Variants in HIPK3 observed in about 807,000 individuals in gnomAD.
HIPK3 encodes homeodomain interacting protein kinase 3.
HIPK3 carries 47 observed loss-of-function variants against 124.2 expected under a neutral mutation model. That is an observed-to-expected ratio of 0.38 (90% CI 0.30 to 0.48). The LOEUF (loss-of-function observed/expected upper bound fraction) is 0.48. HIPK3 is among the 20% of genes least tolerant of loss of function. The probability of loss-of-function intolerance (pLI) is 0.98; values close to 1 mark genes in which losing one functional copy is unlikely to be tolerated. For missense variants in HIPK3, 1,286 were observed against 1,454.3 expected (o/e 0.88, Z 1.88); for synonymous variants, 482 against 515.2 (o/e 0.94, Z 0.87).
rs1853172131 is a variant in HIPK3, at chr11:33,337,095, T to G, written c.1242T>G (p.Thr414=). The stretch of plus-strand genomic sequence containing the variant: ...TTCAGATTCGATACATTTCTCAGAC[T>G]CAAGGTTTGCCAGGAGAACAGTTGT... ...EYDQIRYISQ[T]QGLPGEQLLN... Residue 414 remains threonine (T), a synonymous_variant, in exon 4 of 17, where the codon ACT becomes ACG. Coordinates refer to ENST00000303296, the MANE Select transcript of HIPK3 (RefSeq NM_005734.5). The G allele has an allele frequency of 6.2e-7, 1 of 1,600,386 alleles. No individual in the cohort carries two copies. Among genetic ancestry groups the G allele is most frequent in the Non-Finnish European group, 8.5e-7 (1 of 1,172,962 alleles).
intron 3 of HIPK3, among the ~76,000 whole-genome samples, chr11:33,334,767 C>G (rs1346453877): frequency 6.6e-6 from 1 of 152,112 alleles, no homozygotes; most frequent in Non-Finnish European, 1.5e-5. Context: ...TTGCTCTAGG[C>G]AGTAAAGGGT....
At chr11:33,305,987 C>T (rs2133934466) in intron 2 of HIPK3, among the ~76,000 whole-genome samples, 2 of 152,280 alleles carry the variant, frequency 1.3e-5, no homozygotes, top group Admixed American at 1.3e-4. Flanking sequence ...TTGCCTCAGC[C>T]TCCTGAGTAG....
At chr11:33,294,019 T>C (rs1325202940) in intron 2 of HIPK3, among the ~76,000 whole-genome samples, 1 of 151,806 alleles carries the variant, frequency 6.6e-6, no homozygotes, top group Non-Finnish European at 1.5e-5. Context: ...ATGCAAAAAT[T>C]GGCCGGGCAT....
At chr11:33,340,885 A>AATTTTTTTTT in intron 6 of HIPK3, 83 bp from the exon 7 acceptor site, 1 of 793,590 alleles carries the variant, frequency 1.3e-6, no homozygotes. Context: ...TTTAGGAATA[A>AATTTTTTTTT]TTTTTTTATT....
At chr11:33,263,396 A>G (rs1281968236) in intron 1 of HIPK3, among the ~76,000 whole-genome samples, 3 of 151,814 alleles carry the variant, frequency 2.0e-5, no homozygotes, top group Non-Finnish European at 4.4e-5. Context: ...GCTCACTACA[A>G]CCTCCGCCTC....
chr11:33,277,396 A>G (rs1337949557), intron 1 of HIPK3, among the ~76,000 whole-genome samples: 3 of 152,214 alleles, frequency 2.0e-5, no homozygotes, highest in African/African-American at 7.2e-5. Flanking sequence ...CATCAGTTCT[A>G]GCACATTTCC....
At chr11:33,308,528 A>G (rs1852230048) in intron 2 of HIPK3, among the ~76,000 whole-genome samples, 1 of 151,954 alleles carries the variant, frequency 6.6e-6, no homozygotes. Flanking sequence ...TTTGATAGCA[A>G]TATGTCCTTT....
At chr11:33,286,283 C>T (rs1219588659) in intron 1 of HIPK3, 130 bp from the exon 2 acceptor site, 2 of 834,406 alleles carry the variant, frequency 2.4e-6, no homozygotes, top group Non-Finnish European at 3.5e-6. Flanking sequence ...AAATTAATTA[C>T]TTTTTTACAA....
At chr11:33,336,845 C>T (rs764074988) in intron 3 of HIPK3, among the ~76,000 whole-genome samples, 4 of 152,198 alleles carry the variant, frequency 2.6e-5, no homozygotes, top group Non-Finnish European at 5.9e-5. Flanking sequence ...TAGAATTTTA[C>T]CTGACCACAA....
At position 33,338,316 on chromosome 11, in the gene HIPK3, C is replaced by T. The variant is rs188073382; in HGVS notation, c.1342-441C>T. 1.1e-4 allele frequency among the ~76,000 whole-genome samples: 16 copies of T among 152,304 alleles called. No homozygotes were observed. The East Asian group carries it at 2.5e-3, about 24-fold the overall frequency. On this transcript the variant is annotated intron_variant, in intron 4 of 16. Coordinates refer to ENST00000303296, the MANE Select transcript of HIPK3 (RefSeq NM_005734.5). ...TGGCGCGATCTTGGTTCACTGCAAC[C>T]TCCGCCTCCCAGGTTCAAGTGATTC...
intron 2 of HIPK3, among the ~76,000 whole-genome samples, chr11:33,293,786 T>C (rs186956345): frequency 2.3e-4 from 35 of 152,304 alleles, no homozygotes; most frequent in African/African-American, 8.2e-4. Flanking sequence ...AGTGTGGTGC[T>C]TGGTGCTGCT....
intron 3 of HIPK3, 75 bp from the exon 4 acceptor site, chr11:33,337,000 T>C (rs1477186019): frequency 5.6e-6 from 6 of 1,063,770 alleles, no homozygotes; most frequent in Non-Finnish European, 8.3e-6. Context: ...TGACCTAACA[T>C]ATAGCCTAGT....
chr11:33,293,338 C>G (rs1484983054), intron 2 of HIPK3, among the ~76,000 whole-genome samples: 1 of 151,824 alleles, frequency 6.6e-6, no homozygotes, highest in African/African-American at 2.4e-5. Context: ...TTTTTTTGGC[C>G]AAATTATTTC....
chr11:33,328,522 T>G lies in HIPK3; in HGVS notation c.1110T>G (p.Ile370Met), dbSNP rs772677781. 2 of 1,613,034 alleles carry G rather than the reference T, an allele frequency of 1.2e-6. No homozygotes were observed. Among genetic ancestry groups the G allele is most frequent in the Non-Finnish European group, 8.5e-7 (1 of 1,179,440 alleles). Residue 370 changes from isoleucine (I) to methionine (M), a missense_variant, in exon 3 of 17, where the codon ATT becomes ATG. By Grantham distance (10) the Ile-to-Met change is conservative. Around this residue, in one of 3 missense-constraint regions of HIPK3, gnomAD observed 251 missense variants for 349.1 expected, o/e 0.72. Coordinates refer to ENST00000303296, the MANE Select transcript of HIPK3 (RefSeq NM_005734.5). ...LQSRYYRAPE[I>M]ILGLPFCEAI... ...TTTTAAATTTCAGAGCTCCAGAGAT[T>G]ATATTGGGGTTGCCATTTTGTGAAG...
Position 33,349,149 on chromosome 11 carries a change from G to T in HIPK3, c.2669G>T (p.Cys890Phe). 1 of 1,612,642 alleles carries T rather than the reference G, an allele frequency of 6.2e-7. No individual in the cohort carries two copies. Among genetic ancestry groups the T allele is most frequent in the Non-Finnish European group, 8.5e-7 (1 of 1,179,342 alleles). The change falls in exon 14 of 17, where the codon TGT becomes TTT. Residue 890 changes from cysteine (C) to phenylalanine (F), a missense_variant and splice_region_variant. Physicochemically the swap from Cys to Phe is radical, Grantham distance 205. Coordinates refer to ENST00000303296, the MANE Select transcript of HIPK3 (RefSeq NM_005734.5). The part of the protein sequence containing the change: ...ETSQRHSLRE[C>F]KGSLDCEACQ... ...TTTTCCCTTTTCTCTTCCACTAGAT[G>T]TAAAGGTAGTCTAGATTGTGAAGCT...
Position 33,348,628 on chromosome 11 carries a change from A to T in HIPK3, c.2476A>T (p.Asn826Tyr). 1 of 1,614,178 alleles carries T rather than the reference A, an allele frequency of 6.2e-7. No homozygotes were observed. Among genetic ancestry groups the T allele is most frequent in the Non-Finnish European group, 8.5e-7 (1 of 1,179,992 alleles). The change falls in exon 13 of 17, where the codon AAT (asparagine) becomes TAT (tyrosine). Residue 826 changes from asparagine to tyrosine, a missense_variant. Around this residue, in one of 3 missense-constraint regions of HIPK3, gnomAD observed 810 missense variants for 864.9 expected, o/e 0.94. Coordinates refer to ENST00000303296, the MANE Select transcript of HIPK3 (RefSeq NM_005734.5). The part of the protein sequence containing the change: ...EEVSCIETQD[N>Y]QNSEGEARNC... ...AGTAAGTTGTATAGAAACACAGGAC[A>T]ATCAGAACTCAGAAGGAGAGGCAAG...
intron 2 of HIPK3, among the ~76,000 whole-genome samples, chr11:33,312,166 C>T (rs1852369540): frequency 6.6e-6 from 1 of 152,140 alleles, no homozygotes; most frequent in African/African-American, 2.4e-5. Flanking sequence ...CTACACACAG[C>T]TATTTTTATG....
At chr11:33,336,773 C>G (rs2133980193) in intron 3 of HIPK3, among the ~76,000 whole-genome samples, 1 of 152,098 alleles carries the variant, frequency 6.6e-6, no homozygotes, top group East Asian at 1.9e-4. Context: ...AGTTTTTCTC[C>G]CCACTCTTTC....
chr11:33,272,235 T>C (rs1477417702), intron 1 of HIPK3, among the ~76,000 whole-genome samples: 1 of 152,028 alleles, frequency 6.6e-6, no homozygotes, highest in African/African-American at 2.4e-5. Flanking sequence ...CCATCTCTAC[T>C]AAAAATTCGA....
Sources: gnomAD v4.1 joint callset for allele counts (sites outside exome capture counted in the v4.1 genomes callset) on GRCh38, gnomAD v4.1.1 for gene constraint, gnomAD v4.1.1 regional missense constraint, MANE v1.5 for transcripts, NCBI Gene and HGNC (gene_info 2026-07-23, HGNC 2026-07-21) for gene names.